Variants in AGT observed in about 807,000 individuals in gnomAD.
AGT encodes alpha-1 antiproteinase, antitrypsin.
A neutral mutation model predicts 28.1 loss-of-function variants in AGT; 26 were observed. The ratio of observed to expected loss-of-function variants is 0.92; its 90% confidence interval spans 0.68 to 1.28. The LOEUF (loss-of-function observed/expected upper bound fraction) is 1.28, where lower values mean the gene tolerates loss of function less well. Among genes scored for constraint, AGT ranks in the 50% most tolerant of loss-of-function variants. The probability of loss-of-function intolerance (pLI) is 0.00; values close to 1 mark genes in which losing one functional copy is unlikely to be tolerated. For missense variants in AGT, 596 were observed against 592.3 expected (o/e 1.01, Z -0.06); for synonymous variants, 259 against 259.6 (o/e 1.00, Z 0.02).
chr1:230,735,267 G>A (rs866028266), intron 1 of AGT, among the ~76,000 whole-genome samples: 2 of 152,110 alleles, frequency 1.3e-5, no homozygotes, highest in Non-Finnish European at 2.9e-5. Context: ...GGAGAAGGGG[G>A]CACAGTGCTG....
intron 1 of AGT, among the ~76,000 whole-genome samples, chr1:230,724,248 C>A (rs1663896002): frequency 6.6e-6 from 1 of 152,146 alleles, no homozygotes; most frequent in African/African-American, 2.4e-5. Flanking sequence ...GCTTGCTAAC[C>A]CCTAATCTAT....
chr1:230,705,534 G>A (rs915700549), intron 3 of AGT, among the ~76,000 whole-genome samples: 58 of 152,322 alleles, frequency 3.8e-4, no homozygotes, highest in African/African-American at 1.3e-3. Flanking sequence ...CGCGAAGTCC[G>A]AACCCTCCTG....
intron 1 of AGT, among the ~76,000 whole-genome samples, chr1:230,720,493 T>C (rs1663821212): frequency 6.8e-6 from 1 of 147,382 alleles, no homozygotes; most frequent in African/African-American, 2.6e-5. Context: ...GGCAGCCAAA[T>C]GCCTAGGCAG....
chr1:230,743,877 C>T (rs987783548), intron 1 of AGT, among the ~76,000 whole-genome samples: 5 of 152,178 alleles, frequency 3.3e-5, no homozygotes, highest in Non-Finnish European at 7.3e-5. Flanking sequence ...AAAGGGAGTT[C>T]GCCACAGGCC....
intron 1 of AGT, among the ~76,000 whole-genome samples, chr1:230,722,736 C>T (rs1663872924): frequency 2.0e-5 from 3 of 152,192 alleles, no homozygotes; most frequent in Admixed American, 1.3e-4. Flanking sequence ...ATTTATCCAA[C>T]TGCCTGTACC....
At chr1:230,712,643 C>T (rs1412142957) in intron 1 of AGT, among the ~76,000 whole-genome samples, 1 of 152,206 alleles carries the variant, frequency 6.6e-6, no homozygotes, top group African/African-American at 2.4e-5. Context: ...GTTTGGATGG[C>T]GCTGGTCGAT....
rs888526773 is a variant in AGT, at chr1:230,725,988, A to C, written c.-30-15135T>G. 5.9e-5 allele frequency among the ~76,000 whole-genome samples: 9 copies of C among 152,182 alleles called. No homozygotes were observed. In the East Asian group the frequency reaches 1.5e-3, roughly 26 times the overall value. ...TAATGATAAGGATCAACTCTGCCTT[A>C]TAAATGGTTCAGTGGAAATGATCAA... On this transcript the variant is annotated intron_variant, in intron 1 of 4. Transcript: ENST00000681269.
Position 230,713,668 on chromosome 1 carries a change from G to T in AGT, c.-31+418C>A, listed in dbSNP as rs116712467. Among the ~76,000 whole-genome samples, 70 of 152,266 alleles carry T rather than the reference G, an allele frequency of 4.6e-4. 2 individuals carry two copies. The highest frequency in any genetic ancestry group is 1.6e-3 in the African/African-American group (66 of 41,560). ...CAGTCTGTCTCGAGGGAGGGGTAGG[G>T]TGACCACTCTGGGGATCCCAGCTGG... On this transcript the variant is annotated intron_variant, in intron 1 of 4. Transcript: ENST00000366667.
chr1:230,709,800 AG>A (rs1276913463), intron 2 of AGT, among the ~76,000 whole-genome samples, 194 bp downstream of exon 2: 3 of 152,218 alleles, frequency 2.0e-5, no homozygotes, highest in Non-Finnish European at 4.4e-5. Context: ...TGCACATAGT[AG>A]GGCAGCAGGT....
At chr1:230,734,922 G>A (rs536381865) in intron 1 of AGT, among the ~76,000 whole-genome samples, 1 of 151,940 alleles carries the variant, frequency 6.6e-6, no homozygotes, top group Non-Finnish European at 1.5e-5. Flanking sequence ...CACCATGTTG[G>A]CCAGGATGGT....
chr1:230,715,180 A>G (rs2102794939), upstream of AGT, among the ~76,000 whole-genome samples: 1 of 152,352 alleles, frequency 6.6e-6, no homozygotes, highest in South Asian at 2.1e-4. Flanking sequence ...CTGTACATTC[A>G]CTGACTGAAC....
intron 2 of AGT, 152 bp from the exon 3 acceptor site, chr1:230,706,352 C>A (rs989708290): frequency 6.0e-6 from 5 of 839,424 alleles, no homozygotes; most frequent in Non-Finnish European, 9.1e-6. Flanking sequence ...TTCTCCTGGC[C>A]ACAGGACCGC....
At chr1:230,743,008 T>G (rs551994412) in intron 1 of AGT, among the ~76,000 whole-genome samples, 15 of 152,306 alleles carry the variant, frequency 9.8e-5, no homozygotes, top group African/African-American at 3.6e-4. Flanking sequence ...CTTTTTCTTT[T>G]TGAGATGGAG....
intron 1 of AGT, among the ~76,000 whole-genome samples, chr1:230,711,582 T>C (rs1289650015): frequency 6.6e-6 from 1 of 152,016 alleles, no homozygotes; most frequent in Non-Finnish European, 1.5e-5. Flanking sequence ...TCGAGGGCCC[T>C]AGGGTGAGGG....
Position 230,705,922 on chromosome 1 carries a change from G to C in AGT, c.1097+11C>G. On this transcript the variant is annotated intron_variant, in intron 3 of 4. Coordinates refer to ENST00000366667, the MANE Select transcript of AGT (RefSeq NM_001384479.1). ...GCTCCCACATTCCAGGGGAGACCGGGAGGCTCCTACCGGGGAGATAGTTTC... is the reference window on the plus strand; with the variant it reads ...GCTCCCACATTCCAGGGGAGACCGGCAGGCTCCTACCGGGGAGATAGTTTC... 1 of 1,613,882 alleles carries C rather than the reference G, an allele frequency of 6.2e-7. No individual in the cohort carries two copies. The highest frequency in any genetic ancestry group is 8.5e-7 in the Non-Finnish European group (1 of 1,179,870).
At chr1:230,744,681 A>G (rs930402656) in intron 1 of AGT, among the ~76,000 whole-genome samples, 4 of 152,190 alleles carry the variant, frequency 2.6e-5, no homozygotes, top group African/African-American at 9.6e-5. Context: ...GACTCTAAAG[A>G]AAAAGGCAGG....
intron 1 of AGT, among the ~76,000 whole-genome samples, chr1:230,726,019 A>G (rs1037517180): frequency 5.3e-5 from 8 of 152,176 alleles, no homozygotes; most frequent in Admixed American, 6.5e-5. Context: ...ATCAATTCAC[A>G]ATGTCTGGGG....
intron 1 of AGT, among the ~76,000 whole-genome samples, chr1:230,722,861 A>G (rs911775963): frequency 2.6e-5 from 4 of 152,170 alleles, no homozygotes; most frequent in African/African-American, 9.7e-5. Context: ...TTAATGCTGG[A>G]ATGAATTAAG....
chr1:230,706,968 G>T (rs1239409039), intron 2 of AGT, among the ~76,000 whole-genome samples: 2 of 152,170 alleles, frequency 1.3e-5, no homozygotes, highest in Admixed American at 6.5e-5. Context: ...CCCCATCACA[G>T]TCATAGAATA....
Sources: allele counts gnomAD v4.1 joint callset (sites outside exome capture counted in the v4.1 genomes callset), GRCh38; gene constraint gnomAD v4.1.1; transcripts MANE v1.5; gene names NCBI Gene and HGNC (gene_info 2026-07-23, HGNC 2026-07-21).